Variants in ABHD2 observed in about 807,000 individuals in gnomAD.
ABHD2 encodes abhydrolase domain containing 2, acylglycerol lipase.
A neutral mutation model predicts 48.1 loss-of-function variants in ABHD2; 20 were observed. The ratio of observed to expected loss-of-function variants is 0.42; its 90% confidence interval spans 0.29 to 0.60. The LOEUF is 0.60. Among genes scored for constraint, ABHD2 ranks in the 20% least tolerant of loss-of-function variants. ABHD2 has a pLI of 0.24. For missense variants in ABHD2, 405 were observed against 550.9 expected (o/e 0.74, Z 2.65); for synonymous variants, 209 against 214.2 (o/e 0.98, Z 0.21).
chr15:89,110,997 T>C (rs998959204), intron 1 of ABHD2, among the ~76,000 whole-genome samples: 7 of 152,202 alleles, frequency 4.6e-5, no homozygotes, highest in Non-Finnish European at 8.8e-5. Context: ...AAGAGCACAA[T>C]ATATGTTAGC....
In ABHD2 at chr15:89,127,729, A is replaced by ATG. The variant is rs1567080144; in HGVS notation, c.194+11209_194+11210insGT. On this transcript the variant is annotated intron_variant, in intron 3 of 10. Transcript: ENST00000352732. ...TACATATATATATATACACATATATATATATATATATGTATATTTTAAAAA... is the reference window on the plus strand; with the variant it reads ...TACATATATATATATACACATATATATGTATATATATATGTATATTTTAAAAA... Among the ~76,000 whole-genome samples, 899 of 144,676 alleles carry ATG rather than the reference A, an allele frequency of 6.2e-3. 48 individuals carry two copies. The highest frequency in any genetic ancestry group is 0.022 in the African/African-American group (846 of 37,800). 94.9% of individuals were successfully genotyped at this position (144,676 alleles called of 152,430 possible). A position where few individuals can be genotyped will look rare whatever the true frequency, so the allele number is the denominator to read the frequency against.
chr15:89,191,155 T>C lies in ABHD2; in HGVS notation c.996+6T>C, dbSNP rs751426424. 7 of 1,613,756 alleles carry C rather than the reference T, an allele frequency of 4.3e-6. No individual in the cohort carries two copies. The South Asian group carries it at 6.6e-5, about 15-fold the overall frequency. Reference sequence around the variant, plus strand: ...GCATGCGGTACCTGCACAGGGTGAGTGGCCATCACGGGCTCAGAATCAGCA... The same window carrying C: ...GCATGCGGTACCTGCACAGGGTGAGCGGCCATCACGGGCTCAGAATCAGCA... On this transcript the variant is annotated splice_donor_region_variant and intron_variant, in intron 9 of 10. Coordinates refer to ENST00000352732, the MANE Select transcript of ABHD2 (RefSeq NM_152924.5).
rs556822822 is a variant in ABHD2 at position 89,120,105 on chromosome 15, C to G, written c.194+3584C>G. Among the ~76,000 whole-genome samples, 1 of 152,030 alleles carries G rather than the reference C, an allele frequency of 6.6e-6. No individual in the cohort carries two copies. The highest frequency in any genetic ancestry group is 6.6e-5 in the Admixed American group (1 of 15,206). ...AAAAAAGTTGATGAAAGGTGAACAT[C>G]GAAAGCATGCTCGAGGAGCAGGGAT... On this transcript the variant is annotated intron_variant, in intron 3 of 10. Coordinates refer to ENST00000352732, the MANE Select transcript of ABHD2 (RefSeq NM_152924.5). This position sits in a 1 kb window ranked among gnomAD's most constrained non-coding sequence, Gnocchi z 4.2.
chr15:89,053,563 T>A, the ABHD2 span, among the ~76,000 whole-genome samples: 2 of 152,132 alleles, frequency 1.3e-5, no homozygotes, highest in East Asian at 3.9e-4. Context: ...TAGTGTTTCT[T>A]GGGGGATTTG....
At chr15:89,048,688 A>C in the ABHD2 span, among the ~76,000 whole-genome samples, 1 of 152,054 alleles carries the variant, frequency 6.6e-6, no homozygotes, top group South Asian at 2.1e-4. Flanking sequence ...AGTTGATCGC[A>C]TCAGCTCCTG....
rs876990 is a variant in ABHD2 at position 89,176,594 on chromosome 15, C to T, written c.722+599C>T. Reference sequence around the variant, plus strand: ...CCCCACAGGATGAGTCCCAGGAGGGCGTGGTCATCTGCCCCGATTCCCCTG... The same window carrying T: ...CCCCACAGGATGAGTCCCAGGAGGGTGTGGTCATCTGCCCCGATTCCCCTG... On this transcript the variant is annotated intron_variant, in intron 6 of 10. Transcript: ENST00000352732. This position sits in a 1 kb window ranked among gnomAD's most constrained non-coding sequence, Gnocchi z 4.5. 0.1 allele frequency among the ~76,000 whole-genome samples: 15,461 copies of T among 152,112 alleles called. 2,545 individuals carry two copies. The highest frequency in any genetic ancestry group is 0.35 in the African/African-American group (14,430 of 41,436).
rs2051194651 is a variant in ABHD2 at position 89,185,628 on chromosome 15, G to A, written c.815+112G>A. 4.3e-6 allele frequency: 4 copies of A among 932,110 alleles called. No homozygotes were observed. Among genetic ancestry groups the A allele is most frequent in the South Asian group, 2.9e-5 (2 of 69,788 alleles). 57.7% of individuals were successfully genotyped at this position (932,110 alleles called of 1,614,324 possible). On this transcript the variant is annotated intron_variant, in intron 7 of 10. Transcript: ENST00000352732. This position sits in a 1 kb window ranked among gnomAD's most constrained non-coding sequence, Gnocchi z 5.9. ...CTTCAGGGGAAAAAAAAAAATGCAG[G>A]TGTGGTACAGACTCTCTGCTGCCTG...
chr15:89,149,182 A>G (rs2050548437), intron 3 of ABHD2, among the ~76,000 whole-genome samples: 2 of 151,710 alleles, frequency 1.3e-5, no homozygotes, highest in South Asian at 2.1e-4. Flanking sequence ...GAACTGAGAA[A>G]GTCCCAAGTG....
In ABHD2 at chr15:89,172,033, T is replaced by TAAA. The variant is rs71149278; in HGVS notation, c.539-3773_539-3771dup. Among the ~76,000 whole-genome samples, 215 of 150,506 alleles carry TAAA rather than the reference T, an allele frequency of 1.4e-3. 2 individuals are homozygous for TAAA. Among genetic ancestry groups the TAAA allele is most frequent in the South Asian group, 5.0e-3 (24 of 4,798 alleles). ...ATAAATATTTTTCCTGCTTTTTTTT[T>TAAA]AAAAAAAATCCCCAGGTGATTCTAA... On this transcript the variant is annotated intron_variant, in intron 5 of 10. Transcript: ENST00000352732.
At chr15:89,089,045 C>G (rs1034689025) in intron 1 of ABHD2, among the ~76,000 whole-genome samples, 1 of 152,260 alleles carries the variant, frequency 6.6e-6, no homozygotes, top group African/African-American at 2.4e-5. Context: ...TCTAGAAAGG[C>G]AGCTTTTGAC....
At chr15:89,136,482 T>C (rs995391440) in intron 3 of ABHD2, 5 of 431,554 alleles carry the variant, frequency 1.2e-5, no homozygotes, top group Non-Finnish European at 1.8e-5. Flanking sequence ...CTTCTTAGGG[T>C]CTCCTTTGCC....
intron 1 of ABHD2, among the ~76,000 whole-genome samples, chr15:89,093,047 CCTT>C (rs10595920): frequency 0.05 from 7,644 of 152,104 alleles, 366 homozygotes; most frequent in African/African-American, 0.13. Context: ...GTCCTTGGGC[CCTT>C]CTTCGCCTTG....
chr15:89,188,377 CA>C lies in ABHD2; in HGVS notation c.926+75del. On this transcript the variant is annotated intron_variant, in intron 8 of 10. Coordinates refer to ENST00000352732, the MANE Select transcript of ABHD2 (RefSeq NM_152924.5). The surrounding 1 kb of genome is among the most constrained non-coding windows in gnomAD (Gnocchi z 4.1). Reference sequence around the variant, plus strand: ...CAGGAGGCTGCAGGTCAGCTGTGCCCAGCACTAGTGTTTGCTCTGCCTACTT... The same window carrying C: ...CAGGAGGCTGCAGGTCAGCTGTGCCCGCACTAGTGTTTGCTCTGCCTACTT... 7.4e-7 allele frequency: 1 copy of C among 1,343,466 alleles called. No homozygotes were observed. The allele number at this position is 1,343,466 out of a possible 1,614,324, so 83.2% of individuals were successfully genotyped here.
At chr15:89,050,477 G>C in the ABHD2 span, among the ~76,000 whole-genome samples, 8 of 152,116 alleles carry the variant, frequency 5.3e-5, no homozygotes, top group African/African-American at 1.7e-4. Context: ...GTTCCCCCCA[G>C]TTTAGCAGAC....
chr15:89,089,914 G>A (rs1901525213), intron 1 of ABHD2, among the ~76,000 whole-genome samples: 1 of 152,114 alleles, frequency 6.6e-6, no homozygotes, highest in Non-Finnish European at 1.5e-5. Flanking sequence ...TAGAGCTGAA[G>A]GCACCTTAGA....
upstream of ABHD2, among the ~76,000 whole-genome samples, chr15:89,084,103 T>C (rs1901318571): frequency 6.6e-6 from 1 of 151,958 alleles, no homozygotes; most frequent in African/African-American, 2.4e-5. This position sits in a 1 kb window ranked among gnomAD's most constrained non-coding sequence, Gnocchi z 4.4. Context: ...GTGATTACAC[T>C]GATGAGGTCT....
chr15:89,084,619 A>G (rs1029568472), upstream of ABHD2, among the ~76,000 whole-genome samples: 2 of 152,236 alleles, frequency 1.3e-5, no homozygotes, highest in Non-Finnish European at 2.9e-5. This position sits in a 1 kb window ranked among gnomAD's most constrained non-coding sequence, Gnocchi z 4.4. Flanking sequence ...TTTAAAAAAT[A>G]AAGTCTATCT....
At chr15:89,095,933 G>A (rs1047604795) in intron 1 of ABHD2, among the ~76,000 whole-genome samples, 5 of 152,220 alleles carry the variant, frequency 3.3e-5, no homozygotes, top group African/African-American at 9.7e-5. Context: ...CCGTTTGTAT[G>A]TGAATTTCTG....
chr15:89,127,713 A>ATATATATG (rs1179197941), intron 3 of ABHD2, among the ~76,000 whole-genome samples: 2 of 85,916 alleles, frequency 2.3e-5, no homozygotes, highest in African/African-American at 1.3e-4. Flanking sequence ...ATACATATAT[A>ATATATATG]TATATACACA....
Sources: gnomAD v4.1 joint callset for allele counts (sites outside exome capture counted in the v4.1 genomes callset) on GRCh38, gnomAD v4.1.1 for gene constraint, Gnocchi (gnomAD v3.1) non-coding constraint, MANE v1.5 for transcripts, NCBI Gene and HGNC (gene_info 2026-07-23, HGNC 2026-07-21) for gene names.